The following LRMDA variants were observed in gnomAD, a reference collection of about 807,000 sequenced individuals.
LRMDA encodes leucine-rich melanocyte differentiation-associated protein.
A neutral mutation model predicts 29.8 loss-of-function variants in LRMDA; 18 were observed. That is an observed-to-expected ratio of 0.60 (90% confidence interval 0.42 to 0.90). The LOEUF (loss-of-function observed/expected upper bound fraction) is 0.90. LRMDA is among the 40% of genes least tolerant of loss of function. The probability of loss-of-function intolerance (pLI) is 0.00; values close to 1 mark genes in which losing one functional copy is unlikely to be tolerated. For missense variants in LRMDA, 273 were observed against 273.9 expected (o/e 1.00, Z 0.02); for synonymous variants, 125 against 109.4 (o/e 1.14, Z -0.89).
chr10:76,426,732 T>G (rs1442800673), intron 6 of LRMDA, among the ~76,000 whole-genome samples: 1 of 152,236 alleles, frequency 6.6e-6, no homozygotes, highest in Non-Finnish European at 1.5e-5. Context: ...TTTTATGGTT[T>G]TAGGTCTAAC....
chr10:76,023,419 A>G (rs1848010576), intron 2 of LRMDA, among the ~76,000 whole-genome samples: 1 of 152,112 alleles, frequency 6.6e-6, no homozygotes. Flanking sequence ...GAGGCTTGAA[A>G]CATGCCCTGC....
chr10:76,447,725 C>G (rs146584428), intron 6 of LRMDA, among the ~76,000 whole-genome samples: 2 of 152,248 alleles, frequency 1.3e-5, no homozygotes, highest in Non-Finnish European at 2.9e-5. Context: ...TCATTTTACC[C>G]ATTCAGGTTG....
At chr10:75,692,208 G>GGAAAAA (rs1196978316) in intron 2 of LRMDA, among the ~76,000 whole-genome samples, 1 of 61,108 alleles carries the variant, frequency 1.6e-5, no homozygotes, top group Non-Finnish European at 2.9e-5. Context: ...TCTCTGGGGG[G>GGAAAAA]AAAAAAAAAA....
Position 76,557,576 on chromosome 10 carries a change from A to C in LRMDA, c.*288A>C. 2.2e-6 allele frequency: 1 copy of C among 459,482 alleles called. No individual in the cohort carries two copies. The highest frequency in any genetic ancestry group is 3.9e-6 in the Non-Finnish European group (1 of 254,468). The allele number at this position is 459,482 out of a possible 1,614,324, so 28.5% of individuals were successfully genotyped here. On this transcript the variant is annotated 3_prime_UTR_variant, in exon 7 of 7. Transcript: ENST00000611255. ...AAGCAACAGGGCTGACAGCATGAAC[A>C]CCATGATAGATTGCCTGGTCCTGCC... is the stretch of plus-strand genomic sequence containing the variant.
At chr10:76,464,211 G>C (rs1169029139) in intron 6 of LRMDA, among the ~76,000 whole-genome samples, 1 of 152,090 alleles carries the variant, frequency 6.6e-6, no homozygotes, top group African/African-American at 2.4e-5. Context: ...AAGCCGCTGC[G>C]CCCGGCAGAT....
chr10:76,456,624 T>C (rs1475575828), intron 6 of LRMDA, among the ~76,000 whole-genome samples: 1 of 148,462 alleles, frequency 6.7e-6, no homozygotes, highest in Non-Finnish European at 1.5e-5. Flanking sequence ...GACCAAGGAG[T>C]AGGCCTTCTG....
At chr10:75,828,438 C>A (rs1185371657) in intron 2 of LRMDA, among the ~76,000 whole-genome samples, 1 of 152,138 alleles carries the variant, frequency 6.6e-6, no homozygotes, top group Non-Finnish European at 1.5e-5. Context: ...AAAGCTCTTT[C>A]ATTCTGAATT....
Position 76,500,205 on chromosome 10 carries a change from T to G in LRMDA, c.602-57004T>G. Among the ~76,000 whole-genome samples, 2 of 76,448 alleles carry G rather than the reference T, an allele frequency of 2.6e-5. 1 individual carries two copies. Among genetic ancestry groups the G allele is most frequent in the Non-Finnish European group, 8.8e-5 (2 of 22,852 alleles). 50.2% of individuals were successfully genotyped at this position (76,448 alleles called of 152,430 possible). A position where few individuals can be genotyped will look rare whatever the true frequency, so the allele number is the denominator to read the frequency against. The stretch of plus-strand genomic sequence containing the variant: ...TTATATTTTAAAAGCTAAGCACGCT[T>G]ACTGCAGAAGAATATATAAAACATG... On this transcript the variant is annotated intron_variant, in intron 6 of 6. Coordinates refer to ENST00000611255, the MANE Select transcript of LRMDA (RefSeq NM_001305581.2).
chr10:76,410,180 A>G (rs1002649863), intron 6 of LRMDA, among the ~76,000 whole-genome samples: 1 of 151,956 alleles, frequency 6.6e-6, no homozygotes. Context: ...AAAGGAGAGT[A>G]AGGAGGTGAT....
intron 2 of LRMDA, among the ~76,000 whole-genome samples, chr10:75,729,732 C>T (rs1842672512): frequency 6.6e-6 from 1 of 152,180 alleles, no homozygotes; most frequent in Non-Finnish European, 1.5e-5. Context: ...TGTTGACCCA[C>T]ACCAAACAGT....
At chr10:76,148,987 A>G (rs1475125699) in intron 5 of LRMDA, among the ~76,000 whole-genome samples, 2 of 152,226 alleles carry the variant, frequency 1.3e-5, no homozygotes, top group African/African-American at 4.8e-5. Flanking sequence ...TTTTCCAAAC[A>G]GTTGTTCTAG....
chr10:75,663,568 A>G (rs1841782550), intron 2 of LRMDA, among the ~76,000 whole-genome samples: 1 of 152,014 alleles, frequency 6.6e-6, no homozygotes, highest in Non-Finnish European at 1.5e-5. Flanking sequence ...GTTATGTTGA[A>G]GCCCTGGAGA....
intron 6 of LRMDA, among the ~76,000 whole-genome samples, chr10:76,405,369 G>A (rs561768953): frequency 6.6e-6 from 1 of 152,148 alleles, no homozygotes; most frequent in Non-Finnish European, 1.5e-5. Context: ...TGCAATAAAC[G>A]CTGCATTAGA....
intron 2 of LRMDA, among the ~76,000 whole-genome samples, chr10:75,999,250 G>A (rs1488437251): frequency 1.3e-5 from 2 of 152,212 alleles, no homozygotes; most frequent in Non-Finnish European, 2.9e-5. Context: ...CTTCTTTCCA[G>A]TGCGTGGCTC....
At chr10:76,142,319 C>T (rs1422348509) in intron 5 of LRMDA, among the ~76,000 whole-genome samples, 1 of 152,038 alleles carries the variant, frequency 6.6e-6, no homozygotes, top group Non-Finnish European at 1.5e-5. Flanking sequence ...AATGAACCAA[C>T]CCAAGAATTA....
At chr10:76,171,070 A>G (rs1425481379) in intron 5 of LRMDA, among the ~76,000 whole-genome samples, 1 of 152,148 alleles carries the variant, frequency 6.6e-6, no homozygotes, top group Non-Finnish European at 1.5e-5. Context: ...AAGAGGCAAA[A>G]GTTTGTACTG....
intron 2 of LRMDA, among the ~76,000 whole-genome samples, chr10:75,847,844 AAAAT>A (rs1425902140): frequency 1.3e-5 from 2 of 152,228 alleles, no homozygotes; most frequent in Admixed American, 6.5e-5. Flanking sequence ...TAAGAGAAAG[AAAAT>A]AAAAAACATG....
intron 2 of LRMDA, among the ~76,000 whole-genome samples, chr10:75,753,862 G>A (rs967615379): frequency 1.3e-5 from 2 of 152,174 alleles, no homozygotes; most frequent in Non-Finnish European, 2.9e-5. Context: ...GCGGTGCTAC[G>A]AACCAGGGAG....
intron 6 of LRMDA, among the ~76,000 whole-genome samples, chr10:76,378,858 CTTTT>C (rs144037195): frequency 8.4e-6 from 1 of 118,966 alleles, no homozygotes; most frequent in Non-Finnish European, 1.6e-5. Flanking sequence ...CTTTTTTTTT[CTTTT>C]TTTTTTTTTT....
Sources: allele counts gnomAD v4.1 joint callset (sites outside exome capture counted in the v4.1 genomes callset), GRCh38; gene constraint gnomAD v4.1.1; transcripts MANE v1.5; gene names NCBI Gene and HGNC (gene_info 2026-07-23, HGNC 2026-07-21).